Variants in LDLRAD3 observed in about 807,000 individuals in gnomAD.
LDLRAD3 encodes the protein low-density lipoprotein receptor class A domain-containing protein 3.
In LDLRAD3, 20 loss-of-function variants were observed where a neutral mutation model predicts 29.4. The observed-to-expected ratio is 0.68, with a 90% CI of 0.48 to 0.99. The LOEUF (loss-of-function observed/expected upper bound fraction) is 0.99, where lower values mean the gene tolerates loss of function less well. LDLRAD3 is among the 50% of genes least tolerant of loss of function. The pLI, the probability that LDLRAD3 is intolerant of heterozygous loss-of-function variation, is 0.00. For missense variants in LDLRAD3, 420 were observed against 454.3 expected (o/e 0.92, Z 0.69); for synonymous variants, 157 against 192.7 (o/e 0.81, Z 1.53).
At chr11:35,987,382 C>T (rs184114554) in intron 1 of LDLRAD3, among the ~76,000 whole-genome samples, 1 of 152,274 alleles carries the variant, frequency 6.6e-6, no homozygotes, top group East Asian at 1.9e-4. Flanking sequence ...GTACCCAATA[C>T]TTAGTTTTTC....
At chr11:36,104,345 G>C (rs1853495544) in intron 4 of LDLRAD3, among the ~76,000 whole-genome samples, 2 of 152,206 alleles carry the variant, frequency 1.3e-5, no homozygotes, top group African/African-American at 4.8e-5. Flanking sequence ...CCCTGAGCCA[G>C]GGTGTGGCCA....
intron 2 of LDLRAD3, among the ~76,000 whole-genome samples, chr11:36,080,417 G>T (rs1237318356): frequency 6.6e-6 from 1 of 152,230 alleles, no homozygotes; most frequent in Non-Finnish European, 1.5e-5. Flanking sequence ...TTTGGAGCAG[G>T]AGTCTGCCTT....
At chr11:36,048,212 G>A (rs906971073) in intron 2 of LDLRAD3, among the ~76,000 whole-genome samples, 2 of 152,174 alleles carry the variant, frequency 1.3e-5, no homozygotes, top group Admixed American at 6.5e-5. Context: ...TACTGTGGAT[G>A]TTCAGGTTTA....
intron 4 of LDLRAD3, among the ~76,000 whole-genome samples, chr11:36,191,949 C>G (rs950992859): frequency 2.0e-5 from 3 of 151,996 alleles, no homozygotes; most frequent in Non-Finnish European, 4.4e-5. Context: ...GAACTAAATC[C>G]TCACCTTTTA....
At chr11:36,085,959 A>G (rs1466701305) in intron 3 of LDLRAD3, among the ~76,000 whole-genome samples, 1 of 151,934 alleles carries the variant, frequency 6.6e-6, no homozygotes, top group Non-Finnish European at 1.5e-5. Context: ...TTTATTGTTC[A>G]TATTGGACAA....
At chr11:36,208,163 T>G (rs187911926) in intron 4 of LDLRAD3, among the ~76,000 whole-genome samples, 1 of 152,174 alleles carries the variant, frequency 6.6e-6, no homozygotes, top group Admixed American at 6.5e-5. Flanking sequence ...AATAAGAACA[T>G]GGAGGTGCAT....
At chr11:36,005,297 G>C (rs1357132713) in intron 1 of LDLRAD3, among the ~76,000 whole-genome samples, 2 of 152,208 alleles carry the variant, frequency 1.3e-5, no homozygotes, top group African/African-American at 2.4e-5. Context: ...ATGCTTTGCT[G>C]CTTAGAAATT....
chr11:36,075,446 C>T (rs1303158867), intron 2 of LDLRAD3, among the ~76,000 whole-genome samples: 3 of 152,180 alleles, frequency 2.0e-5, no homozygotes, highest in Non-Finnish European at 4.4e-5. Flanking sequence ...TATCTCATTA[C>T]TGATGATGTT....
At chr11:36,033,538 GCTT>G (rs1418042101) in intron 1 of LDLRAD3, among the ~76,000 whole-genome samples, 1 of 152,230 alleles carries the variant, frequency 6.6e-6, no homozygotes. Context: ...TTCCAGGGGG[GCTT>G]GCCTTGGAGG....
In LDLRAD3 at chr11:35,944,675, T is replaced by C. The variant is rs1851034477; in HGVS notation, c.46+531T>C. ...AAAGCTGCTTCCTTTCATTCCTCTC[T>C]GGGACTGTTTGGTTTGGGTAAAGTG... is the stretch of plus-strand genomic sequence containing the variant. On this transcript the variant is annotated intron_variant, in intron 1 of 5. Transcript: ENST00000315571. This position sits in a 1 kb window ranked among gnomAD's most constrained non-coding sequence, Gnocchi z 4.9. Among the ~76,000 whole-genome samples, 1 of 152,154 alleles carries C rather than the reference T, an allele frequency of 6.6e-6. No homozygotes were observed. Among genetic ancestry groups the C allele is most frequent in the African/African-American group, 2.4e-5 (1 of 41,444 alleles).
intron 3 of LDLRAD3, among the ~76,000 whole-genome samples, chr11:36,085,956 T>C (rs914908013): frequency 2.0e-5 from 3 of 152,174 alleles, no homozygotes; most frequent in African/African-American, 7.2e-5. Context: ...CTTTTTATTG[T>C]TCATATTGGA....
At chr11:36,060,085 T>C (rs1315455042) in intron 2 of LDLRAD3, among the ~76,000 whole-genome samples, 1 of 152,160 alleles carries the variant, frequency 6.6e-6, no homozygotes, top group Admixed American at 6.5e-5. Context: ...CTGGGTGAGG[T>C]GGCTCATGCC....
chr11:36,191,618 A>ACG (rs1565292165), intron 4 of LDLRAD3, among the ~76,000 whole-genome samples: 10 of 84,748 alleles, frequency 1.2e-4, no homozygotes, highest in Non-Finnish European at 2.7e-4. Flanking sequence ...ACACACACAC[A>ACG]CACACGCACG....
At chr11:36,089,932 T>C (rs1269121112) in intron 3 of LDLRAD3, among the ~76,000 whole-genome samples, 1 of 152,114 alleles carries the variant, frequency 6.6e-6, no homozygotes, top group African/African-American at 2.4e-5. Flanking sequence ...ATAATAAACA[T>C]TTATTGAGCA....
Position 35,986,647 on chromosome 11 carries a change from A to G in LDLRAD3, c.46+42503A>G, listed in dbSNP as rs564003497. Among the ~76,000 whole-genome samples, 179 of 152,340 alleles carry G rather than the reference A, an allele frequency of 1.2e-3. 3 individuals carry two copies. The highest frequency in any genetic ancestry group is 1.1e-3 in the Admixed American group (17 of 15,304). On this transcript the variant is annotated intron_variant, in intron 1 of 5. Coordinates refer to ENST00000315571, the MANE Select transcript of LDLRAD3 (RefSeq NM_174902.4). ...GGCTGATTGAGACTCCACCGTCTGCAACATTGCCACAGCAGGAGAAGAGAT... is the reference window on the plus strand; with the variant it reads ...GGCTGATTGAGACTCCACCGTCTGCGACATTGCCACAGCAGGAGAAGAGAT...
At chr11:35,969,442 G>A (rs1372230396) in intron 1 of LDLRAD3, among the ~76,000 whole-genome samples, 2 of 152,214 alleles carry the variant, frequency 1.3e-5, no homozygotes, top group African/African-American at 4.8e-5. Context: ...ATGACTTAAT[G>A]AGCTCAGTCA....
chr11:35,946,993 T>C (rs1851065513), intron 1 of LDLRAD3, among the ~76,000 whole-genome samples: 1 of 152,090 alleles, frequency 6.6e-6, no homozygotes, highest in Admixed American at 6.5e-5. Context: ...TGTTTTTTCC[T>C]GACAGCCGAC....
At chr11:36,174,549 G>A (rs1435622791) in intron 4 of LDLRAD3, among the ~76,000 whole-genome samples, 1 of 152,130 alleles carries the variant, frequency 6.6e-6, no homozygotes, top group East Asian at 1.9e-4. Context: ...CAAAAAGTGG[G>A]CAAAGTATAT....
At chr11:36,191,576 C>G (rs58820393) in intron 4 of LDLRAD3, among the ~76,000 whole-genome samples, 2 of 53,440 alleles carry the variant, frequency 3.7e-5, no homozygotes, top group African/African-American at 1.7e-4. Flanking sequence ...CTCTCTCTCT[C>G]TATATATATA....
Sources: gnomAD v4.1 joint callset for allele counts (sites outside exome capture counted in the v4.1 genomes callset) on GRCh38, gnomAD v4.1.1 for gene constraint, Gnocchi (gnomAD v3.1) non-coding constraint, MANE v1.5 for transcripts, NCBI Gene and HGNC (gene_info 2026-07-23, HGNC 2026-07-21) for gene names.